TRIM37: variants seen among roughly 807,000 people sequenced by gnomAD.
TRIM37 encodes tripartite motif containing 37.
A neutral mutation model predicts 129.8 loss-of-function variants in TRIM37; 80 were observed. That is an observed-to-expected ratio of 0.62 (90% CI 0.51 to 0.74). TRIM37 has a LOEUF of 0.74. TRIM37 is among the 30% of genes least tolerant of loss of function. The probability of loss-of-function intolerance (pLI) is 0.00; values close to 1 mark genes in which losing one functional copy is unlikely to be tolerated. For missense variants in TRIM37, 1,054 were observed against 1,176.5 expected (o/e 0.90, Z 1.52); for synonymous variants, 389 against 387.1 (o/e 1.00, Z -0.06).
At chr17:59,014,508 G>A (rs925398525) in intron 21 of TRIM37, among the ~76,000 whole-genome samples, 3 of 152,054 alleles carry the variant, frequency 2.0e-5, no homozygotes, top group South Asian at 2.1e-4. Context: ...AGAGATAAAC[G>A]TGTTAACTAC....
chr17:59,028,718 A>T lies in TRIM37; in HGVS notation c.1954T>A (p.Tyr652Asn). Residue 652 changes from tyrosine (Y) to asparagine (N), a missense_variant, in exon 19 of 24, where the codon TAT (tyrosine) becomes AAT (asparagine). Around this residue, in one of 3 missense-constraint regions of TRIM37, gnomAD observed 752 missense variants for 870.8 expected, o/e 0.86. Coordinates refer to ENST00000262294, the MANE Select transcript of TRIM37 (RefSeq NM_015294.6). The stretch of plus-strand genomic sequence containing the variant: ...CTTTGGTCTTTATCTTTTCGAGAAT[A>T]TGATGCTTCAGAGAAATTGACAAGT... ...PASLLQPTAS[Y>N]SRKDKDQRKQ... 1 of 1,614,174 alleles carries T rather than the reference A, an allele frequency of 6.2e-7. No individual in the cohort carries two copies. Among genetic ancestry groups the T allele is most frequent in the Non-Finnish European group, 8.5e-7 (1 of 1,180,020 alleles).
the TRIM37 span, among the ~76,000 whole-genome samples, chr17:58,971,838 G>T: frequency 6.6e-5 from 10 of 152,296 alleles, no homozygotes; most frequent in South Asian, 2.1e-3. Context: ...ATAGTTACCT[G>T]CCCTTGGGCA....
chr17:59,071,295 T>C (rs1599346194), intron 8 of TRIM37, among the ~76,000 whole-genome samples: 1 of 150,064 alleles, frequency 6.7e-6, no homozygotes, highest in East Asian at 1.9e-4. Flanking sequence ...TTTTTTTTTT[T>C]TTTTTTTTGA....
intron 2 of TRIM37, among the ~76,000 whole-genome samples, chr17:59,098,939 C>G (rs2045185322): frequency 6.6e-6 from 1 of 151,998 alleles, no homozygotes; most frequent in African/African-American, 2.4e-5. Context: ...AATCCCAGCA[C>G]TTTGGGAGGC....
chr17:59,028,652 T>C lies in TRIM37; in HGVS notation c.2020A>G (p.Met674Val), dbSNP rs1568017752. The change falls in exon 19 of 24, where the codon ATG becomes GTG. Residue 674 changes from methionine (M) to valine (V), a missense_variant. Coordinates refer to ENST00000262294, the MANE Select transcript of TRIM37 (RefSeq NM_015294.6). Reference sequence around the variant, plus strand: ...ATTTGAGTTTTGAGTCTTTTTAGCATCTTTAAATCAGAGGGCACTCGCCAC... The same window carrying C: ...ATTTGAGTTTTGAGTCTTTTTAGCACCTTTAAATCAGAGGGCACTCGCCAC... ...AMWRVPSDLKMLKRLKTQMAE... is the reference protein window; with the variant it reads ...AMWRVPSDLKVLKRLKTQMAE... 1 of 1,614,248 alleles carries C rather than the reference T, an allele frequency of 6.2e-7. No homozygotes were observed. Among genetic ancestry groups the C allele is most frequent in the Non-Finnish European group, 8.5e-7 (1 of 1,180,042 alleles).
At chr17:59,101,911 C>A (rs1799792754) in intron 2 of TRIM37, among the ~76,000 whole-genome samples, 1 of 150,040 alleles carries the variant, frequency 6.7e-6, no homozygotes, top group South Asian at 2.1e-4. Flanking sequence ...TGCACTTTAG[C>A]CTGGGCAACA....
chr17:59,102,226 A>G (rs2147636271), intron 2 of TRIM37, among the ~76,000 whole-genome samples: 1 of 152,328 alleles, frequency 6.6e-6, no homozygotes, highest in Middle Eastern at 3.4e-3. Context: ...AGAGTAGAGA[A>G]CGACAGCAAC....
At chr17:59,075,967 G>T (rs886165762) in intron 7 of TRIM37, among the ~76,000 whole-genome samples, 1 of 152,048 alleles carries the variant, frequency 6.6e-6, no homozygotes, top group Non-Finnish European at 1.5e-5. Context: ...TCTAAGAAAC[G>T]AAATGTGCAA....
intron 21 of TRIM37, among the ~76,000 whole-genome samples, chr17:59,014,444 A>C (rs139897838): frequency 6.6e-6 from 1 of 152,178 alleles, no homozygotes. Flanking sequence ...TATCTTTTGA[A>C]TAGATGGAAG....
chr17:58,973,066 T>A, the TRIM37 span: 2 of 592,900 alleles, frequency 3.4e-6, no homozygotes, highest in Non-Finnish European at 6.0e-6. Flanking sequence ...TTGGATAACG[T>A]CTCTTTTAAT....
chr17:59,070,811 A>C lies in TRIM37; in HGVS notation c.809+12T>G, dbSNP rs1326147735. The C allele has an allele frequency of 6.2e-7, 1 of 1,613,420 alleles. No homozygotes were observed. The highest frequency in any genetic ancestry group is 1.3e-5 in the African/African-American group (1 of 74,902). Reference sequence around the variant, plus strand: ...ATTTCAAATGAAAATGAAATTAAAAACTGTGTCATACCTGGTAAAGTCTGG... The same window carrying C: ...ATTTCAAATGAAAATGAAATTAAAACCTGTGTCATACCTGGTAAAGTCTGG... On this transcript the variant is annotated intron_variant, in intron 9 of 23. Transcript: ENST00000262294.
intron 12 of TRIM37, among the ~76,000 whole-genome samples, chr17:59,060,230 C>G (rs2041359574): frequency 1.3e-5 from 2 of 152,122 alleles, no homozygotes. Flanking sequence ...AGGCTGTAAG[C>G]TGGAGAAATT....
At chr17:59,035,067 T>C (rs1382230977) in intron 17 of TRIM37, among the ~76,000 whole-genome samples, 1 of 152,114 alleles carries the variant, frequency 6.6e-6, no homozygotes, top group East Asian at 1.9e-4. Flanking sequence ...AATATTTTTC[T>C]TTTTTTCTTT....
At chr17:58,970,870 G>A in the TRIM37 span, among the ~76,000 whole-genome samples, 1 of 151,964 alleles carries the variant, frequency 6.6e-6, no homozygotes, top group Non-Finnish European at 1.5e-5. Context: ...CCCCTGAGAG[G>A]TGACCCGTAA....
At chr17:59,058,016 G>A (rs2041127186) in intron 12 of TRIM37, among the ~76,000 whole-genome samples, 1 of 152,032 alleles carries the variant, frequency 6.6e-6, no homozygotes. Flanking sequence ...CACTACATAT[G>A]TTTCCTCATA....
rs187621165 is a variant in TRIM37 at position 59,064,035 on chromosome 17, G to A, written c.860+320C>T. 2.8e-5 allele frequency: 6 copies of A among 212,656 alleles called. No individual in the cohort carries two copies. The Admixed American group carries it at 3.3e-4, about 12-fold the overall frequency. 13.2% of individuals were successfully genotyped at this position (212,656 alleles called of 1,614,324 possible). ...CCCAGTTACTTGGGAGGCTGAGGTGGGAGGATTGCTGCAGCCCAGGAGGTT... is the reference window on the plus strand; with the variant it reads ...CCCAGTTACTTGGGAGGCTGAGGTGAGAGGATTGCTGCAGCCCAGGAGGTT... On this transcript the variant is annotated intron_variant, in intron 10 of 23. Coordinates refer to ENST00000262294, the MANE Select transcript of TRIM37 (RefSeq NM_015294.6).
chr17:58,978,503 G>T (rs1359192837), downstream of TRIM37, among the ~76,000 whole-genome samples: 1 of 152,070 alleles, frequency 6.6e-6, no homozygotes, highest in Non-Finnish European at 1.5e-5. Context: ...CAGAGGTCAG[G>T]AGTTCGACGC....
At chr17:58,999,847 T>C (rs1332711876) in intron 23 of TRIM37, among the ~76,000 whole-genome samples, 4 of 152,322 alleles carry the variant, frequency 2.6e-5, no homozygotes, top group Middle Eastern at 6.8e-3. Context: ...CGCATTCAAG[T>C]ATCACTACAA....
intron 22 of TRIM37, among the ~76,000 whole-genome samples, chr17:59,003,541 C>T (rs1448516474): frequency 6.6e-6 from 1 of 150,480 alleles, no homozygotes; most frequent in Admixed American, 6.6e-5. Context: ...TAAGGATATT[C>T]ATAGTTATTT....
Sources: allele counts gnomAD v4.1 joint callset (sites outside exome capture counted in the v4.1 genomes callset), GRCh38; gene constraint gnomAD v4.1.1; regional missense constraint gnomAD v4.1.1; transcripts MANE v1.5; gene names NCBI Gene and HGNC (gene_info 2026-07-23, HGNC 2026-07-21).